The following ELAPOR2 variants were observed in gnomAD, a reference collection of about 807,000 sequenced individuals.
ELAPOR2 encodes the protein endosome-lysosome associated apoptosis and autophagy regulator family member 2.
Under a neutral mutation model 120.7 loss-of-function variants are expected in ELAPOR2, and 89 were observed. The observed-to-expected ratio is 0.74, with a 90% CI of 0.62 to 0.88. The LOEUF (loss-of-function observed/expected upper bound fraction) is 0.88. Ranked by LOEUF, ELAPOR2 falls within the 40% of genes least tolerant of loss-of-function variation. The pLI is 0.00. For synonymous variants in ELAPOR2, 444 were observed against 444.9 expected (o/e 1.00, Z 0.03); for missense variants, 1,134 against 1,251.6 (o/e 0.91, Z 1.42).
At chr7:86,897,799 C>T (rs1788515201) in intron 18 of ELAPOR2, among the ~76,000 whole-genome samples, 167 bp from the exon 19 acceptor site, 1 of 152,090 alleles carries the variant, frequency 6.6e-6, no homozygotes, top group Non-Finnish European at 1.5e-5. Flanking sequence ...TATGAGATAA[C>T]AGTTTGTACC....
intron 1 of ELAPOR2, among the ~76,000 whole-genome samples, chr7:87,038,835 G>GA (rs936892737): frequency 3.3e-5 from 5 of 150,640 alleles, no homozygotes; most frequent in East Asian, 1.9e-4. Context: ...CATCAAAAAA[G>GA]AAAAAAAACT....
intron 21 of ELAPOR2, among the ~76,000 whole-genome samples, chr7:86,885,973 A>G (rs772690916): frequency 6.6e-6 from 1 of 152,130 alleles, no homozygotes; most frequent in Non-Finnish European, 1.5e-5. Flanking sequence ...GCCATTTGCA[A>G]CAAATGGTGA....
chr7:87,038,614 T>C (rs1794660697), intron 1 of ELAPOR2, among the ~76,000 whole-genome samples: 3 of 152,058 alleles, frequency 2.0e-5, no homozygotes, highest in African/African-American at 7.2e-5. Flanking sequence ...GGAATAAAAC[T>C]AGAAATTAAT....
intron 1 of ELAPOR2, among the ~76,000 whole-genome samples, chr7:87,013,710 C>T (rs1221665758): frequency 6.6e-6 from 1 of 152,178 alleles, no homozygotes; most frequent in African/African-American, 2.4e-5. Flanking sequence ...TAGCTTACAT[C>T]ATCAAATTAA....
chr7:87,043,221 A>C (rs1253727478), intron 1 of ELAPOR2, among the ~76,000 whole-genome samples: 12 of 151,844 alleles, frequency 7.9e-5, no homozygotes, highest in Admixed American at 2.0e-4. Context: ...AAACTATTCC[A>C]ATCAATAGAA....
intron 1 of ELAPOR2, among the ~76,000 whole-genome samples, chr7:87,041,657 A>C (rs1225496704): frequency 6.6e-6 from 1 of 152,168 alleles, no homozygotes; most frequent in Admixed American, 6.5e-5. Flanking sequence ...CTGCAAAATC[A>C]TGCCAAAATG....
At chr7:86,903,367 G>A (rs1470846299) in intron 18 of ELAPOR2, among the ~76,000 whole-genome samples, 1 of 152,022 alleles carries the variant, frequency 6.6e-6, no homozygotes, top group Non-Finnish European at 1.5e-5. Flanking sequence ...AACGTATTTG[G>A]TTTTGGTCTT....
chr7:87,043,272 T>G (rs1449416457), intron 1 of ELAPOR2, among the ~76,000 whole-genome samples: 2 of 151,474 alleles, frequency 1.3e-5, no homozygotes, highest in Non-Finnish European at 2.9e-5. Flanking sequence ...GAGGCCAGCA[T>G]CATTCTGATA....
chr7:86,936,341 C>G (rs1262949379), intron 8 of ELAPOR2, among the ~76,000 whole-genome samples: 1 of 152,050 alleles, frequency 6.6e-6, no homozygotes, highest in East Asian at 1.9e-4. Flanking sequence ...CCTCAGCCTC[C>G]TAAGTAGCTG....
chr7:86,896,796 C>T (rs1315322751), intron 19 of ELAPOR2, among the ~76,000 whole-genome samples: 1 of 151,986 alleles, frequency 6.6e-6, no homozygotes, highest in African/African-American at 2.4e-5. Context: ...TTGATATGAT[C>T]AAAGTAATTT....
In ELAPOR2 at chr7:86,909,902, C is replaced by G; in HGVS notation, c.2269G>C (p.Val757Leu). The change falls in exon 16 of 22, where the codon GTA (valine) becomes CTA (leucine). Residue 757 changes from valine to leucine, a missense_variant. Physicochemically the swap from Val to Leu is conservative, Grantham distance 32. This residue lies in a region of ELAPOR2 where 831 missense variants were observed against 867.6 expected (regional missense o/e 0.96). Transcript: ENST00000450689. ...GAAGGAATAATTGTTGACTGGCATA[C>G]AAATGCCCCTACCAAATTTGTGTAA... Reference protein sequence around the residue: ...DDYTNLVGAFVCQSTIIPSES... With the variant: ...DDYTNLVGAFLCQSTIIPSES... 6.2e-7 allele frequency: 1 copy of G among 1,613,128 alleles called. No individual in the cohort carries two copies. Among genetic ancestry groups the G allele is most frequent in the South Asian group, 1.1e-5 (1 of 91,030 alleles).
intron 2 of ELAPOR2, among the ~76,000 whole-genome samples, chr7:86,953,825 A>G (rs1345796605): frequency 1.3e-5 from 2 of 152,192 alleles, no homozygotes; most frequent in Non-Finnish European, 2.9e-5. Flanking sequence ...CTTAGGCACT[A>G]CTTAACAGTG....
At chr7:87,038,991 T>G (rs1228793543) in intron 1 of ELAPOR2, among the ~76,000 whole-genome samples, 1 of 151,936 alleles carries the variant, frequency 6.6e-6, no homozygotes, top group African/African-American at 2.4e-5. Flanking sequence ...AGTTAGTTTT[T>G]TGAAAAGTTA....
chr7:87,059,181 C>T, intron 1 of ELAPOR2, 144 bp downstream of exon 1: 1 of 1,168,648 alleles, frequency 8.6e-7, no homozygotes, highest in Non-Finnish European at 1.1e-6. Flanking sequence ...CGGGCAACTT[C>T]ACCCCTCGAA....
chr7:86,942,418 T>C (rs550013297), intron 4 of ELAPOR2, among the ~76,000 whole-genome samples: 8 of 152,094 alleles, frequency 5.3e-5, no homozygotes, highest in African/African-American at 1.7e-4. Flanking sequence ...GGAGACAAAG[T>C]ATAAAACAAC....
At chr7:86,981,697 A>G (rs149115078) in intron 1 of ELAPOR2, among the ~76,000 whole-genome samples, 1,677 of 152,302 alleles carry the variant, frequency 0.011, 21 homozygotes, top group Non-Finnish European at 0.013. Context: ...CAGTTCCAAG[A>G]TAGCCAAATA....
intron 1 of ELAPOR2, among the ~76,000 whole-genome samples, chr7:86,983,754 G>A (rs929880438): frequency 1.1e-4 from 17 of 152,154 alleles, no homozygotes; most frequent in South Asian, 2.1e-4. Flanking sequence ...AAAGACCATC[G>A]ATGCTAGGAA....
intron 2 of ELAPOR2, among the ~76,000 whole-genome samples, chr7:86,954,302 A>G (rs1791385226): frequency 6.6e-6 from 1 of 152,204 alleles, no homozygotes; most frequent in Non-Finnish European, 1.5e-5. Flanking sequence ...GCTGATTATC[A>G]TCTATGATTT....
intron 1 of ELAPOR2, among the ~76,000 whole-genome samples, chr7:87,028,985 CA>C (rs1337838024): frequency 6.6e-6 from 1 of 152,178 alleles, no homozygotes; most frequent in Non-Finnish European, 1.5e-5. Flanking sequence ...GATCCTTCCC[CA>C]GATGTCTCCT....
Sources: gnomAD v4.1 joint callset for allele counts (sites outside exome capture counted in the v4.1 genomes callset) on GRCh38, gnomAD v4.1.1 for gene constraint, gnomAD v4.1.1 regional missense constraint, MANE v1.5 for transcripts, NCBI Gene and HGNC (gene_info 2026-07-23, HGNC 2026-07-21) for gene names.